Variants in LRP1B observed in about 807,000 individuals in gnomAD.
LRP1B encodes the protein low-density lipoprotein receptor-related protein 1B.
A neutral mutation model predicts 556.6 loss-of-function variants in LRP1B; 217 were observed. The ratio of observed to expected loss-of-function variants is 0.39; its 90% CI spans 0.35 to 0.44. The LOEUF is 0.44. LRP1B is among the 20% of genes least tolerant of loss of function. The pLI, the probability that LRP1B is intolerant of heterozygous loss-of-function variation, is 1.00. For synonymous variants in LRP1B, 2,047 were observed against 1,865.8 expected (o/e 1.10, Z -2.50); for missense variants, 5,053 against 5,620.8 (o/e 0.90, Z 3.23).
intron 84 of LRP1B, among the ~76,000 whole-genome samples, chr2:140,290,286 G>T (rs905163181): frequency 4.6e-5 from 7 of 152,022 alleles, no homozygotes; most frequent in South Asian, 2.1e-4. Context: ...CGTAAAAGAG[G>T]TATTAACAAT....
At chr2:141,563,402 C>A (rs4954918) in intron 2 of LRP1B, among the ~76,000 whole-genome samples, 145,060 of 152,048 alleles carry the variant, frequency 0.95, 69,572 homozygotes, top group East Asian at 1. Flanking sequence ...GCAGAACCTC[C>A]AAGTACACTC....
intron 3 of LRP1B, among the ~76,000 whole-genome samples, chr2:141,309,771 A>G (rs925504122): frequency 2.6e-5 from 4 of 152,076 alleles, no homozygotes; most frequent in African/African-American, 9.7e-5. Flanking sequence ...GCGGCAAACC[A>G]CCAAGGCACA....
At chr2:140,557,409 T>C (rs1156755484) in intron 43 of LRP1B, among the ~76,000 whole-genome samples, 1 of 152,156 alleles carries the variant, frequency 6.6e-6, no homozygotes, top group Non-Finnish European at 1.5e-5. Context: ...AGAAATTCAA[T>C]ACAAAAATTT....
intron 37 of LRP1B, among the ~76,000 whole-genome samples, chr2:140,704,386 C>G (rs897341070): frequency 4.0e-5 from 6 of 151,658 alleles, no homozygotes; most frequent in African/African-American, 1.5e-4. Context: ...TACAGACAAA[C>G]AAAAATGAGG....
rs1241156928 is a variant in LRP1B, at chr2:140,566,939, C to G, written c.7195-24968G>C. ...TCCCAGGGAAACAGTTCCTGGGCTA[C>G]CTAGAACAATCACACCCTCACCCCC... On this transcript the variant is annotated intron_variant, in intron 43 of 90. Transcript: ENST00000389484. Among the ~76,000 whole-genome samples, 5 of 152,088 alleles carry G rather than the reference C, an allele frequency of 3.3e-5. No individual in the cohort carries two copies. The South Asian group carries it at 1.0e-3, about 32-fold the overall frequency.
rs540072717 is a variant in LRP1B at position 141,730,531 on chromosome 2, T to A, written c.205+79748A>T. On this transcript the variant is annotated intron_variant, in intron 2 of 90. Coordinates refer to ENST00000389484, the MANE Select transcript of LRP1B (RefSeq NM_018557.3). The stretch of plus-strand genomic sequence containing the variant: ...ATTTGAAGGCTACCCCTTTTTGAAT[T>A]TCTTGTCCAAGTCAGATGTTTCTGG... 1.6e-4 allele frequency among the ~76,000 whole-genome samples: 24 copies of A among 152,302 alleles called. 1 individual carries two copies. The South Asian group carries it at 5.0e-3, about 32-fold the overall frequency.
chr2:142,008,089 AAAG>A (rs1316229577), intron 1 of LRP1B, among the ~76,000 whole-genome samples: 3 of 152,288 alleles, frequency 2.0e-5, no homozygotes, highest in Non-Finnish European at 2.9e-5. Flanking sequence ...TTAAGGGCAA[AAAG>A]AAGAAGGATT....
At chr2:141,720,483 T>A (rs567461833) in intron 2 of LRP1B, among the ~76,000 whole-genome samples, 2 of 152,160 alleles carry the variant, frequency 1.3e-5, no homozygotes, top group East Asian at 3.9e-4. Flanking sequence ...AGACAGAAAA[T>A]GTCTCTAATC....
chr2:141,840,321 T>C (rs1018454896), intron 1 of LRP1B, among the ~76,000 whole-genome samples: 2 of 139,700 alleles, frequency 1.4e-5, no homozygotes, highest in Non-Finnish European at 3.0e-5. Context: ...TGGAGTGCAG[T>C]GGCGCCATCT....
intron 2 of LRP1B, among the ~76,000 whole-genome samples, chr2:141,522,312 G>C (rs1684554502): frequency 6.6e-6 from 1 of 152,050 alleles, no homozygotes; most frequent in African/African-American, 2.4e-5. Context: ...CTTTTCCATT[G>C]ATGTTTCAGT....
intron 1 of LRP1B, among the ~76,000 whole-genome samples, chr2:141,844,536 A>T (rs1215309262): frequency 6.6e-6 from 1 of 152,110 alleles, no homozygotes; most frequent in African/African-American, 2.4e-5. Flanking sequence ...CAATGTCAGT[A>T]TATGGTAAAT....
rs748925367 is a variant in LRP1B, at chr2:140,541,058, A to T, written c.7428T>A (p.His2476Gln). The change falls in exon 45 of 91, where the codon CAT becomes CAA. Residue 2476 changes from histidine (H) to glutamine (Q), a missense_variant. His to Gln is a conservative substitution (Grantham distance 24). Transcript: ENST00000389484. ...CATTGGGAGTTAAAAGGCACAAGTC[A>T]TGGCAGCCTCCATTCAATAATGCAC... The part of the protein sequence containing the change: ...SPCALLNGGC[H>Q]DLCLLTPNGR... The T allele has an allele frequency of 6.2e-7, 1 of 1,611,442 alleles. No individual in the cohort carries two copies. Among genetic ancestry groups the T allele is most frequent in the Non-Finnish European group, 8.5e-7 (1 of 1,178,084 alleles).
chr2:141,519,386 TATATATATATATATATGAA>T (rs756490882), intron 2 of LRP1B, among the ~76,000 whole-genome samples: 17,142 of 57,088 alleles, frequency 0.3, 1,685 homozygotes, highest in South Asian at 0.37. Flanking sequence ...TATATATATA[TATATATATATATATATGAA>T]ATGCAATATT....
chr2:140,922,663 A>G lies in LRP1B; in HGVS notation c.3319+302T>C, dbSNP rs148291113. Among the ~76,000 whole-genome samples the G allele has an allele frequency of 3.8e-3, 576 of 152,118 alleles. 1 individual carries two copies. The highest frequency in any genetic ancestry group is 0.013 in the African/African-American group (560 of 41,516). On this transcript the variant is annotated intron_variant, in intron 21 of 90. Transcript: ENST00000389484. Reference sequence around the variant, plus strand: ...TTAAAAATCCCAAATCTCAGAAATAAATAAACAAATAAATTAATTAATTAA... The same window carrying G: ...TTAAAAATCCCAAATCTCAGAAATAGATAAACAAATAAATTAATTAATTAA...
chr2:140,817,017 C>T (rs1257351147), intron 31 of LRP1B, among the ~76,000 whole-genome samples: 4 of 151,946 alleles, frequency 2.6e-5, no homozygotes, highest in Non-Finnish European at 4.4e-5. Context: ...TTGTTTAATG[C>T]AATTAAAACT....
intron 32 of LRP1B, among the ~76,000 whole-genome samples, chr2:140,797,401 A>C (rs1559124962): frequency 1.3e-5 from 2 of 152,088 alleles, no homozygotes; most frequent in Non-Finnish European, 2.9e-5. Flanking sequence ...GTTCTAAGTA[A>C]CTATAATTAT....
chr2:141,788,175 AACT>A (rs1290871624), intron 2 of LRP1B, among the ~76,000 whole-genome samples: 1 of 152,004 alleles, frequency 6.6e-6, no homozygotes, highest in East Asian at 1.9e-4. Flanking sequence ...AGAAAGATAA[AACT>A]AGTAGCTTTT....
chr2:140,961,724 C>G (rs1454257503), intron 18 of LRP1B, among the ~76,000 whole-genome samples: 1 of 151,938 alleles, frequency 6.6e-6, no homozygotes, highest in Admixed American at 6.6e-5. Context: ...ATATTATTTT[C>G]TATAAAGCTG....
intron 2 of LRP1B, among the ~76,000 whole-genome samples, chr2:141,790,386 A>G (rs905654960): frequency 6.6e-6 from 1 of 151,718 alleles, no homozygotes; most frequent in African/African-American, 2.4e-5. Flanking sequence ...TCTCAGATAT[A>G]CTTCAGAGCA....
Sources: gnomAD v4.1 joint callset for allele counts (sites outside exome capture counted in the v4.1 genomes callset) on GRCh38, gnomAD v4.1.1 for gene constraint, MANE v1.5 for transcripts, NCBI Gene and HGNC (gene_info 2026-07-23, HGNC 2026-07-21) for gene names.